The following UTRN variants were observed in gnomAD, a reference collection of about 807,000 sequenced individuals.
The protein encoded by UTRN is dystrophin-related protein 1.
Under a neutral mutation model 463.9 loss-of-function variants are expected in UTRN, and 283 were observed. The ratio of observed to expected loss-of-function variants is 0.61; its 90% CI spans 0.55 to 0.67. UTRN has a LOEUF of 0.67. UTRN is among the 30% of genes least tolerant of loss of function. The probability of loss-of-function intolerance (pLI) is 0.00; values close to 1 mark genes in which losing one functional copy is unlikely to be tolerated. For missense variants in UTRN, 3,922 were observed against 4,084.3 expected (o/e 0.96, Z 1.08); for synonymous variants, 1,442 against 1,431.5 (o/e 1.01, Z -0.17).
chr6:144,542,912 G>C, intron 46 of UTRN, 42 bp downstream of exon 46: 4 of 1,554,820 alleles, frequency 2.6e-6, no homozygotes, highest in Non-Finnish European at 3.5e-6. Context: ...TAAAAAATCA[G>C]TATGTAAAAT....
At chr6:144,381,770 G>A (rs1780953224) in intron 2 of UTRN, among the ~76,000 whole-genome samples, 1 of 152,158 alleles carries the variant, frequency 6.6e-6, no homozygotes, top group East Asian at 1.9e-4. Context: ...GGCTTCCCCA[G>A]CCACATGGAA....
intron 68 of UTRN, 69 bp from the exon 69 acceptor site, chr6:144,828,721 A>G (rs921831486): frequency 6.3e-6 from 9 of 1,420,454 alleles, no homozygotes; most frequent in Non-Finnish European, 6.9e-6. Context: ...AAAATGATTA[A>G]GGATGTACGT....
intron 2 of UTRN, among the ~76,000 whole-genome samples, chr6:144,374,135 G>A (rs1780239624): frequency 6.6e-6 from 1 of 152,180 alleles, no homozygotes; most frequent in Non-Finnish European, 1.5e-5. Flanking sequence ...AAGAAACCAA[G>A]AATAGGATAA....
intron 51 of UTRN, among the ~76,000 whole-genome samples, chr6:144,596,623 T>C (rs961463063): frequency 6.6e-6 from 1 of 152,220 alleles, no homozygotes; most frequent in Non-Finnish European, 1.5e-5. Flanking sequence ...GAGTAAATGA[T>C]TTACTTGAAG....
chr6:144,827,515 A>G, intron 67 of UTRN, 96 bp from the exon 68 acceptor site: 3 of 1,594,762 alleles, frequency 1.9e-6, no homozygotes, highest in Non-Finnish European at 2.6e-6. Flanking sequence ...GTCTGTTTGC[A>G]TGGCAGATTC....
At chr6:144,702,774 G>A (rs1342955735) in intron 53 of UTRN, among the ~76,000 whole-genome samples, 2 of 152,104 alleles carry the variant, frequency 1.3e-5, no homozygotes, top group African/African-American at 4.8e-5. Flanking sequence ...CAATGTTTGG[G>A]GCATATTTGA....
chr6:144,666,739 A>G lies in UTRN; in HGVS notation c.7480-11667A>G, dbSNP rs148030859. On this transcript the variant is annotated intron_variant, in intron 51 of 74. Coordinates refer to ENST00000367545, the MANE Select transcript of UTRN (RefSeq NM_007124.3). ...ATGATCATGTGTGGAAGGGTTTTCCACATACTGAAAATTATATTCCAACAT... is the reference window on the plus strand; with the variant it reads ...ATGATCATGTGTGGAAGGGTTTTCCGCATACTGAAAATTATATTCCAACAT... Among the ~76,000 whole-genome samples the G allele has an allele frequency of 1.2e-4, 18 of 152,320 alleles. No homozygotes were observed. In the East Asian group the frequency reaches 3.5e-3, roughly 29 times the overall value.
At chr6:144,700,781 T>G (rs1242524208) in intron 53 of UTRN, among the ~76,000 whole-genome samples, 1 of 151,914 alleles carries the variant, frequency 6.6e-6, no homozygotes, top group Non-Finnish European at 1.5e-5. Flanking sequence ...TCACCCAGGT[T>G]GGAGTGCAGT....
chr6:144,462,004 A>G (rs950388434), intron 22 of UTRN, among the ~76,000 whole-genome samples: 1 of 152,056 alleles, frequency 6.6e-6, no homozygotes, highest in African/African-American at 2.4e-5. Flanking sequence ...AGTTTGCTGC[A>G]CTACGTATTA....
chr6:144,499,393 T>C lies in UTRN; in HGVS notation c.4730T>C (p.Leu1577Pro). 6.2e-7 allele frequency: 1 copy of C among 1,610,800 alleles called. No individual in the cohort carries two copies. Among genetic ancestry groups the C allele is most frequent in the Non-Finnish European group, 8.5e-7 (1 of 1,177,630 alleles). The change falls in exon 34 of 75, where the codon CTT (leucine) becomes CCT (proline). Residue 1577 changes from leucine to proline, a missense_variant. This residue lies in a region of UTRN where 2,349 missense variants were observed against 2,303.8 expected (regional missense o/e 1.02). Transcript: ENST00000367545. Reference protein sequence around the residue: ...LVQKSTSEGLLGDLDTEISWA... With the variant: ...LVQKSTSEGLPGDLDTEISWA... ...CAGAAGTCCACTTCAGAAGGTCTGC[T>C]TGGTGACTTGGATACAGAAATTTCC...
intron 51 of UTRN, among the ~76,000 whole-genome samples, chr6:144,658,227 G>A (rs2128670639): frequency 6.6e-6 from 1 of 152,218 alleles, no homozygotes; most frequent in African/African-American, 2.4e-5. Context: ...TTTTGCCCCT[G>A]GGGACATACA....
rs1803590925 is a variant in UTRN at position 144,285,541 on chromosome 6, TTGAC to T, written c.-370_-367del. Among the ~76,000 whole-genome samples, 1 of 152,246 alleles carries T rather than the reference TTGAC, an allele frequency of 6.6e-6. No individual in the cohort carries two copies. The highest frequency in any genetic ancestry group is 2.4e-5 in the African/African-American group (1 of 41,480). Reference sequence around the variant, plus strand: ...TGCGCGCCCCTTCCAGGTTTGCGCTTTGACTGTTTTGTTTTTGGCGGAACTACCA... The same window carrying T: ...TGCGCGCCCCTTCCAGGTTTGCGCTTTGTTTTGTTTTTGGCGGAACTACCA... On this transcript the variant is annotated 5_prime_UTR_variant, in exon 1 of 75. Coordinates refer to ENST00000367545, the MANE Select transcript of UTRN (RefSeq NM_007124.3).
chr6:144,711,259 T>G (rs1586154459), intron 53 of UTRN, among the ~76,000 whole-genome samples: 1 of 151,772 alleles, frequency 6.6e-6, no homozygotes, highest in Non-Finnish European at 1.5e-5. Flanking sequence ...GAGGTTGCAG[T>G]GAACCAAGAT....
intron 41 of UTRN, among the ~76,000 whole-genome samples, chr6:144,527,893 T>C (rs1483957179): frequency 6.6e-6 from 1 of 152,190 alleles, no homozygotes; most frequent in East Asian, 1.9e-4. Context: ...TGCTGTGTCA[T>C]TGTTTTGATT....
chr6:144,812,082 CAAGTT>C (rs576221072), intron 65 of UTRN, among the ~76,000 whole-genome samples: 6 of 152,054 alleles, frequency 3.9e-5, no homozygotes, highest in Non-Finnish European at 8.8e-5. Context: ...ACTGATATCT[CAAGTT>C]AAGAAGTGAC....
Position 144,830,276 on chromosome 6 carries a change from A to G in UTRN, c.9665+1421A>G, listed in dbSNP as rs930000272. On this transcript the variant is annotated intron_variant, in intron 69 of 74. Coordinates refer to ENST00000367545, the MANE Select transcript of UTRN (RefSeq NM_007124.3). ...AAAAAGAAAAGAAAAAAGTCAGAAG[A>G]TTAACAGTCAGATACATTTTAATAT... Among the ~76,000 whole-genome samples, 4 of 152,182 alleles carry G rather than the reference A, an allele frequency of 2.6e-5. No homozygotes were observed. The East Asian group carries it at 7.7e-4, about 29-fold the overall frequency.
At chr6:144,572,334 G>C (rs912049291) in intron 50 of UTRN, among the ~76,000 whole-genome samples, 1 of 151,924 alleles carries the variant, frequency 6.6e-6, no homozygotes, top group African/African-American at 2.4e-5. Flanking sequence ...TTGAAAAATG[G>C]TATGTAGGAG....
Position 144,850,094 on chromosome 6 carries a change from A to G in UTRN, c.10294-895A>G, listed in dbSNP as rs994083719. On this transcript the variant is annotated intron_variant, in intron 74 of 74. Coordinates refer to ENST00000367545, the MANE Select transcript of UTRN (RefSeq NM_007124.3). ...TTGCTGAATTTTTGCTCCCTCTAAC[A>G]TGGCAATCAAATGTTCAAAATGGAG... Among the ~76,000 whole-genome samples the G allele has an allele frequency of 2.0e-5, 3 of 152,274 alleles. No homozygotes were observed. The South Asian group carries it at 6.2e-4, about 32-fold the overall frequency.
At chr6:144,476,641 G>A (rs1055845259) in intron 25 of UTRN, among the ~76,000 whole-genome samples, 4 of 152,184 alleles carry the variant, frequency 2.6e-5, no homozygotes, top group Non-Finnish European at 5.9e-5. Context: ...CAGTAACGGG[G>A]AATGTGGGGT....
Sources: gnomAD v4.1 joint callset for allele counts (sites outside exome capture counted in the v4.1 genomes callset) on GRCh38, gnomAD v4.1.1 for gene constraint, gnomAD v4.1.1 regional missense constraint, MANE v1.5 for transcripts, NCBI Gene and HGNC (gene_info 2026-07-23, HGNC 2026-07-21) for gene names.